CTNNA3: variants seen among roughly 807,000 people sequenced by gnomAD.
The protein encoded by CTNNA3 is catenin alpha 3.
A neutral mutation model predicts 95.7 loss-of-function variants in CTNNA3; 76 were observed. The observed-to-expected ratio is 0.79, with a 90% confidence interval of 0.66 to 0.96. The LOEUF is 0.96. Ranked by LOEUF, CTNNA3 falls within the 40% of genes least tolerant of loss-of-function variation. The probability of loss-of-function intolerance (pLI) is 0.00; values close to 1 mark genes in which losing one functional copy is unlikely to be tolerated. For synonymous variants in CTNNA3, 431 were observed against 374.4 expected (o/e 1.15, Z -1.74); for missense variants, 1,191 against 1,089.8 (o/e 1.09, Z -1.31).
At chr10:67,407,169 A>G (rs1461055456) in intron 5 of CTNNA3, among the ~76,000 whole-genome samples, 2 of 152,216 alleles carry the variant, frequency 1.3e-5, no homozygotes, top group African/African-American at 2.4e-5. Flanking sequence ...AAAATCCTCA[A>G]CAAAATACTG....
At chr10:67,306,488 G>T (rs1466300302) in intron 5 of CTNNA3, among the ~76,000 whole-genome samples, 3 of 152,106 alleles carry the variant, frequency 2.0e-5, no homozygotes, top group African/African-American at 7.2e-5. Context: ...ATCCTTAAAT[G>T]GTAACATGTA....
At chr10:67,414,462 GC>G (rs1043349176) in intron 5 of CTNNA3, among the ~76,000 whole-genome samples, 25 of 152,042 alleles carry the variant, frequency 1.6e-4, no homozygotes, top group African/African-American at 6.0e-4. Flanking sequence ...AGCAAAAAAA[GC>G]CCTGGACCAA....
intron 10 of CTNNA3, among the ~76,000 whole-genome samples, chr10:66,554,685 G>T (rs149247444): frequency 6.1e-4 from 92 of 151,846 alleles, no homozygotes; most frequent in Middle Eastern, 3.4e-3. Context: ...ATTTCTATTT[G>T]GTCCTTTTAA....
intron 5 of CTNNA3, among the ~76,000 whole-genome samples, chr10:67,273,521 C>T (rs1838530069): frequency 6.6e-6 from 1 of 151,718 alleles, no homozygotes; most frequent in African/African-American, 2.4e-5. Flanking sequence ...AGAGTGTGAC[C>T]ATTTCTTATA....
At chr10:67,238,523 G>A (rs1865592210) in intron 5 of CTNNA3, among the ~76,000 whole-genome samples, 1 of 151,778 alleles carries the variant, frequency 6.6e-6, no homozygotes, top group East Asian at 1.9e-4. Context: ...CTAAACTACT[G>A]TGGGTAATCA....
chr10:66,325,445 A>G (rs770012698), intron 12 of CTNNA3, among the ~76,000 whole-genome samples: 4 of 152,054 alleles, frequency 2.6e-5, no homozygotes, highest in South Asian at 4.2e-4. Context: ...GAGTCTCCCT[A>G]TGTTGCCCAA....
At chr10:66,070,200 A>C (rs923399357) in intron 14 of CTNNA3, among the ~76,000 whole-genome samples, 3 of 152,186 alleles carry the variant, frequency 2.0e-5, no homozygotes, top group Non-Finnish European at 4.4e-5. Context: ...CTCTGAAAGT[A>C]GTTTGTAGTT....
rs78935378 is a variant in CTNNA3, at chr10:66,421,129, A to G, written c.1532-41777T>C. On this transcript the variant is annotated intron_variant, in intron 11 of 17. Coordinates refer to ENST00000433211, the MANE Select transcript of CTNNA3 (RefSeq NM_013266.4). ...CATTTGCAGCAACATGGATGTCATT[A>G]TGTTAAGTGAAATAACCCAGGCACA... is the stretch of plus-strand genomic sequence containing the variant. Among the ~76,000 whole-genome samples, 265 of 152,280 alleles carry G rather than the reference A, an allele frequency of 1.7e-3. 10 individuals are homozygous for G. In the East Asian group the frequency reaches 0.047, roughly 27 times the overall value.
intron 7 of CTNNA3, among the ~76,000 whole-genome samples, chr10:66,920,262 T>A (rs1166387094): frequency 6.6e-6 from 1 of 152,232 alleles, no homozygotes; most frequent in Non-Finnish European, 1.5e-5. Context: ...GTAAAAATCC[T>A]TAAAAGTTTA....
chr10:66,058,493 T>C (rs2080129792), intron 15 of CTNNA3, among the ~76,000 whole-genome samples: 1 of 152,168 alleles, frequency 6.6e-6, no homozygotes. Flanking sequence ...CAACATTATT[T>C]CTACATGGCT....
rs10591803 is a variant in CTNNA3, at chr10:67,380,020, CAAAAAAAAA to C, written c.579+141813_579+141821del. On this transcript the variant is annotated intron_variant, in intron 5 of 17. Transcript: ENST00000433211. ...TGGGCGACAGAGTGAGACTCCGTCT[CAAAAAAAAA>C]AAAAAAAAAAAAAAGAATTAGTCTG... Among the ~76,000 whole-genome samples the C allele has an allele frequency of 2.8e-3, 210 of 74,098 alleles. 2 individuals are homozygous for C. Among genetic ancestry groups the C allele is most frequent in the African/African-American group, 9.6e-3 (199 of 20,622 alleles). The allele number at this position is 74,098 out of a possible 152,430, so 48.6% of individuals were successfully genotyped here.
intron 7 of CTNNA3, among the ~76,000 whole-genome samples, chr10:66,787,067 C>A (rs1042669454): frequency 3.5e-4 from 54 of 152,122 alleles, no homozygotes; most frequent in African/African-American, 1.1e-3. Flanking sequence ...TTCCTTTTTT[C>A]CTGCAAAATA....
intron 7 of CTNNA3, among the ~76,000 whole-genome samples, chr10:66,892,949 A>G (rs931461102): frequency 1.6e-4 from 24 of 152,256 alleles, no homozygotes; most frequent in African/African-American, 5.8e-4. Context: ...CACAGTGTGA[A>G]TGAGCATAAT....
intron 5 of CTNNA3, among the ~76,000 whole-genome samples, chr10:67,438,613 T>C (rs1276470827): frequency 6.6e-6 from 1 of 152,186 alleles, no homozygotes; most frequent in East Asian, 1.9e-4. Flanking sequence ...CACCTGGTTT[T>C]AACTTCATAT....
At chr10:65,958,364 C>T (rs752004134) in intron 17 of CTNNA3, among the ~76,000 whole-genome samples, 1 of 151,534 alleles carries the variant, frequency 6.6e-6, no homozygotes, top group African/African-American at 2.4e-5. Context: ...TTGTTATTAC[C>T]GATCATCTGA....
intron 1 of CTNNA3, among the ~76,000 whole-genome samples, chr10:67,718,894 G>A (rs1841161332): frequency 6.6e-6 from 1 of 152,156 alleles, no homozygotes; most frequent in South Asian, 2.1e-4. Flanking sequence ...GCTCCTCTTT[G>A]TACCTCTGGT....
intron 5 of CTNNA3, among the ~76,000 whole-genome samples, chr10:67,506,553 G>A (rs1178439534): frequency 1.3e-5 from 2 of 152,208 alleles, no homozygotes; most frequent in Non-Finnish European, 2.9e-5. Flanking sequence ...TGACTGGTGT[G>A]TGCCTGTTTA....
At chr10:66,538,614 G>A (rs1841738710) in intron 10 of CTNNA3, among the ~76,000 whole-genome samples, 1 of 152,110 alleles carries the variant, frequency 6.6e-6, no homozygotes, top group African/African-American at 2.4e-5. Flanking sequence ...AGGCATTTGA[G>A]ACTTTACTGA....
chr10:66,004,142 T>A (rs1278566972), intron 15 of CTNNA3, among the ~76,000 whole-genome samples: 1 of 152,236 alleles, frequency 6.6e-6, no homozygotes, highest in Non-Finnish European at 1.5e-5. Context: ...GAAAGCATCA[T>A]CATAGGTTTT....
Sources: gnomAD v4.1 joint callset for allele counts (sites outside exome capture counted in the v4.1 genomes callset) on GRCh38, gnomAD v4.1.1 for gene constraint, MANE v1.5 for transcripts, NCBI Gene and HGNC (gene_info 2026-07-23, HGNC 2026-07-21) for gene names.